VDAC1: variants seen among roughly 807,000 people sequenced by gnomAD.
The protein encoded by VDAC1 is non-selective voltage-gated ion channel VDAC1.
In VDAC1, 10 loss-of-function variants were observed where a neutral mutation model predicts 34.7. The ratio of observed to expected loss-of-function variants is 0.29; its 90% CI spans 0.18 to 0.49. VDAC1 has a LOEUF of 0.49. Among genes scored for constraint, VDAC1 ranks in the 20% least tolerant of loss-of-function variants. The pLI, the probability that VDAC1 is intolerant of heterozygous loss-of-function variation, is 0.99. For missense variants in VDAC1, 230 were observed against 347.9 expected, an observed-to-expected ratio of 0.66 and a Z score of 2.69; for synonymous variants, 130 against 136.0, an observed-to-expected ratio of 0.96 and a Z score of 0.30.
the VDAC1 span, among the ~76,000 whole-genome samples, chr5:134,011,547 G>A: frequency 5.9e-5 from 9 of 151,628 alleles, no homozygotes; most frequent in Admixed American, 5.3e-4. Flanking sequence ...ATTTAAGTGA[G>A]ATCATACAGA....
the VDAC1 span, chr5:134,082,127 A>G: frequency 6.6e-6 from 1 of 152,660 alleles, no homozygotes; most frequent in African/African-American, 2.4e-5. Context: ...AAGTTTGAAC[A>G]TGTTTACACC....
chr5:133,986,892 A>T (rs968949595), intron 5 of VDAC1, among the ~76,000 whole-genome samples: 1 of 152,234 alleles, frequency 6.6e-6, no homozygotes, highest in Non-Finnish European at 1.5e-5. Flanking sequence ...TATCTGGGAC[A>T]ACTTGAGCGA....
the VDAC1 span, among the ~76,000 whole-genome samples, chr5:134,098,244 C>T: frequency 1.3e-5 from 2 of 151,206 alleles, no homozygotes; most frequent in East Asian, 3.9e-4. Context: ...ACCCAGGCCG[C>T]AGTGCAGTGG....
chr5:133,976,430 G>C (rs559786751), intron 6 of VDAC1: 2 of 166,752 alleles, frequency 1.2e-5, no homozygotes, highest in South Asian at 3.1e-4. Context: ...GCTTGAACCT[G>C]GGAGGCAGAG....
chr5:134,097,228 A>G, the VDAC1 span, among the ~76,000 whole-genome samples: 1 of 152,252 alleles, frequency 6.6e-6, no homozygotes, highest in Non-Finnish European at 1.5e-5. Flanking sequence ...AACAAATACA[A>G]TCATTATTTA....
At chr5:133,980,648 A>AAAC (rs1454255731) in intron 6 of VDAC1, 81 bp downstream of exon 6, 7 of 1,024,260 alleles carry the variant, frequency 6.8e-6, no homozygotes, top group Admixed American at 3.0e-5. Flanking sequence ...AAAAAAAAAA[A>AAAC]AAAAACAGTG....
the VDAC1 span, among the ~76,000 whole-genome samples, chr5:134,026,724 T>C: frequency 6.6e-6 from 1 of 152,078 alleles, no homozygotes; most frequent in Non-Finnish European, 1.5e-5. Context: ...TGGAGCTTAA[T>C]GAGCCATGGG....
intron 2 of VDAC1, 107 bp downstream of exon 2, chr5:133,992,838 GT>G: frequency 9.1e-7 from 1 of 1,093,676 alleles, no homozygotes; most frequent in Non-Finnish European, 1.3e-6. Context: ...TCACGTGAAA[GT>G]TCAGAACAGC....
intron 5 of VDAC1, chr5:133,989,323 C>T (rs13162964): frequency 0.1 from 15,360 of 151,684 alleles, 907 homozygotes; most frequent in South Asian, 0.21. Flanking sequence ...TAACTACACA[C>T]TTAAAGATGT....
chr5:134,052,780 T>G, the VDAC1 span, among the ~76,000 whole-genome samples: 1 of 152,298 alleles, frequency 6.6e-6, no homozygotes, highest in East Asian at 1.9e-4. Flanking sequence ...GACACCATGC[T>G]GTGGGGAGCT....
the VDAC1 span, among the ~76,000 whole-genome samples, chr5:134,022,801 G>T: frequency 6.6e-6 from 1 of 152,206 alleles, no homozygotes; most frequent in Non-Finnish European, 1.5e-5. Context: ...CAGTTAGAAT[G>T]ATTATTAAAA....
At chr5:134,010,522 C>T in the VDAC1 span, among the ~76,000 whole-genome samples, 1 of 151,578 alleles carries the variant, frequency 6.6e-6, no homozygotes, top group Non-Finnish European at 1.5e-5. Context: ...GGCTTGAACC[C>T]GAGATGCAGA....
the VDAC1 span, among the ~76,000 whole-genome samples, chr5:134,083,083 TAA>T: frequency 1.3e-5 from 2 of 152,148 alleles, no homozygotes; most frequent in Admixed American, 6.5e-5. Flanking sequence ...ATGAAATACA[TAA>T]GATTTAGATT....
chr5:133,973,725 A>C, intron 8 of VDAC1, 66 bp downstream of exon 8: 1 of 1,467,948 alleles, frequency 6.8e-7, no homozygotes, highest in Non-Finnish European at 9.4e-7. Flanking sequence ...AATGACATAA[A>C]TCAGCAAACC....
the VDAC1 span, among the ~76,000 whole-genome samples, chr5:134,029,938 G>A: frequency 2.0e-5 from 3 of 152,136 alleles, no homozygotes; most frequent in Non-Finnish European, 4.4e-5. Context: ...TTGATATTGC[G>A]CTACAGTAAT....
At chr5:134,038,452 G>A in the VDAC1 span, among the ~76,000 whole-genome samples, 1 of 152,176 alleles carries the variant, frequency 6.6e-6, no homozygotes, top group Non-Finnish European at 1.5e-5. Context: ...GGCAGAGGCA[G>A]AGCATACAGG....
At chr5:134,035,928 C>T in the VDAC1 span, among the ~76,000 whole-genome samples, 1 of 150,894 alleles carries the variant, frequency 6.6e-6, no homozygotes, top group South Asian at 2.1e-4. Context: ...ATCGCTTGGA[C>T]CCTGGCGGCA....
At chr5:133,975,241 T>G (rs1752431753) in intron 7 of VDAC1, among the ~76,000 whole-genome samples, 1 of 151,818 alleles carries the variant, frequency 6.6e-6, no homozygotes, top group Non-Finnish European at 1.5e-5. Flanking sequence ...GCATCCAACC[T>G]GGGCCTTGTC....
chr5:133,992,618 G>C (rs1753146985), intron 2 of VDAC1, among the ~76,000 whole-genome samples: 1 of 152,256 alleles, frequency 6.6e-6, no homozygotes, highest in Non-Finnish European at 1.5e-5. Context: ...AGCTGGCAAA[G>C]ACACAGTTAC....
Sources: allele counts gnomAD v4.1 joint callset (sites outside exome capture counted in the v4.1 genomes callset), GRCh38; gene constraint gnomAD v4.1.1; transcripts MANE v1.5; gene names NCBI Gene and HGNC (gene_info 2026-07-23, HGNC 2026-07-21).